The following VWC2 variants were observed in gnomAD, a reference collection of about 807,000 sequenced individuals.
The protein encoded by VWC2 is brorin.
A neutral mutation model predicts 29.8 loss-of-function variants in VWC2; 14 were observed. The ratio of observed to expected loss-of-function variants is 0.47; its 90% CI spans 0.31 to 0.74. The LOEUF (loss-of-function observed/expected upper bound fraction) is 0.74, where lower values mean the gene tolerates loss of function less well. Among genes scored for constraint, VWC2 ranks in the 30% least tolerant of loss-of-function variants. VWC2 has a pLI of 0.05. For synonymous variants in VWC2, 213 were observed against 199.0 expected, an observed-to-expected ratio of 1.07 and a Z score of -0.59; for missense variants, 457 against 459.8, an observed-to-expected ratio of 0.99 and a Z score of 0.05.
chr7:49,882,864 TTTGTTGTTGTTG>T (rs201572339), intron 3 of VWC2, among the ~76,000 whole-genome samples: 1 of 151,898 alleles, frequency 6.6e-6, no homozygotes, highest in Non-Finnish European at 1.5e-5. Context: ...TTTTTTTGTT[TTTGTTGTTGTTG>T]TTGTTGTTGT....
At chr7:49,774,657 G>C (rs1042945155) in intron 1 of VWC2, among the ~76,000 whole-genome samples, 2 of 152,144 alleles carry the variant, frequency 1.3e-5, no homozygotes, top group Admixed American at 1.3e-4. Context: ...GGGGCGGGCC[G>C]GCAGAGGAGC....
chr7:49,795,018 C>T (rs2078281097), intron 2 of VWC2, among the ~76,000 whole-genome samples: 1 of 152,190 alleles, frequency 6.6e-6, no homozygotes, highest in Admixed American at 6.5e-5. Flanking sequence ...TCTCATCTCC[C>T]TAACCAGACT....
At chr7:49,895,483 T>A (rs1331639387) in intron 3 of VWC2, among the ~76,000 whole-genome samples, 1 of 152,218 alleles carries the variant, frequency 6.6e-6, no homozygotes, top group Non-Finnish European at 1.5e-5. Flanking sequence ...ATGTGAACCC[T>A]CTGCTCTGAC....
intron 3 of VWC2, among the ~76,000 whole-genome samples, chr7:49,894,498 G>T (rs1792284713): frequency 6.6e-6 from 1 of 152,220 alleles, no homozygotes; most frequent in Non-Finnish European, 1.5e-5. Flanking sequence ...AAACATAGTG[G>T]CAATTTATCC....
chr7:49,784,777 A>G (rs1788256644), intron 2 of VWC2, among the ~76,000 whole-genome samples: 1 of 152,168 alleles, frequency 6.6e-6, no homozygotes, highest in African/African-American at 2.4e-5. Context: ...TTTTAAATGG[A>G]TCAACAGGTA....
intron 3 of VWC2, among the ~76,000 whole-genome samples, chr7:49,862,019 T>G (rs962239272): frequency 6.6e-6 from 1 of 152,194 alleles, no homozygotes; most frequent in African/African-American, 2.4e-5. Flanking sequence ...TAAAAAATGG[T>G]TGTTGGAATT....
intron 3 of VWC2, among the ~76,000 whole-genome samples, chr7:49,817,459 T>C (rs1318827615): frequency 6.6e-6 from 1 of 152,202 alleles, no homozygotes; most frequent in African/African-American, 2.4e-5. Flanking sequence ...AATAACCCTG[T>C]AGATGACTTG....
At chr7:49,902,927 C>T (rs147169072) in intron 3 of VWC2, among the ~76,000 whole-genome samples, 1 of 151,916 alleles carries the variant, frequency 6.6e-6, no homozygotes, top group African/African-American at 2.4e-5. Flanking sequence ...ACAATAAAAA[C>T]ACCAAACAAT....
chr7:49,797,873 T>C (rs1788632879), intron 2 of VWC2, among the ~76,000 whole-genome samples: 1 of 152,220 alleles, frequency 6.6e-6, no homozygotes. Flanking sequence ...ATCTAAATTC[T>C]ATCCATGCAA....
chr7:49,784,185 A>G (rs1235713393), intron 2 of VWC2, among the ~76,000 whole-genome samples: 3 of 152,256 alleles, frequency 2.0e-5, no homozygotes, highest in African/African-American at 7.2e-5. Flanking sequence ...TGGTGAAGGA[A>G]GAGCTTCTAG....
chr7:49,838,461 G>A (rs569617388), intron 3 of VWC2, among the ~76,000 whole-genome samples: 1 of 152,152 alleles, frequency 6.6e-6, no homozygotes, highest in South Asian at 2.1e-4. Context: ...GCAGACTCCG[G>A]TCTTTTGGGA....
At chr7:49,904,340 G>GA (rs1237556533) in intron 3 of VWC2, among the ~76,000 whole-genome samples, 2 of 152,180 alleles carry the variant, frequency 1.3e-5, no homozygotes, top group African/African-American at 2.4e-5. Flanking sequence ...GTAACTTTGG[G>GA]AAAAAAACTG....
intron 3 of VWC2, among the ~76,000 whole-genome samples, chr7:49,874,091 C>T (rs951342726): frequency 1.4e-4 from 22 of 151,852 alleles, no homozygotes; most frequent in African/African-American, 5.1e-4. Flanking sequence ...GGAGTAAGGA[C>T]GGGACTGGAG....
At chr7:49,807,376 A>G (rs1037122660) in intron 3 of VWC2, among the ~76,000 whole-genome samples, 6 of 152,214 alleles carry the variant, frequency 3.9e-5, no homozygotes, top group Admixed American at 6.5e-5. Context: ...AAAATGTACA[A>G]ATATTTAGAC....
intron 3 of VWC2, among the ~76,000 whole-genome samples, chr7:49,835,433 G>A (rs1396598024): frequency 6.6e-6 from 1 of 152,154 alleles, no homozygotes; most frequent in East Asian, 1.9e-4. Flanking sequence ...GGGATGACCA[G>A]GGTCAGTAAT....
intron 3 of VWC2, among the ~76,000 whole-genome samples, chr7:49,862,311 T>G (rs111932553): frequency 0.028 from 4,192 of 152,250 alleles, 159 homozygotes; most frequent in South Asian, 0.12. Flanking sequence ...TTTTTTTGTG[T>G]GTCAATCTTG....
intron 3 of VWC2, among the ~76,000 whole-genome samples, chr7:49,846,906 A>G (rs1789964770): frequency 6.6e-6 from 1 of 152,174 alleles, no homozygotes; most frequent in African/African-American, 2.4e-5. Flanking sequence ...TATGATACAA[A>G]TATCTGATTG....
intron 3 of VWC2, among the ~76,000 whole-genome samples, chr7:49,899,754 G>A (rs1792608932): frequency 6.6e-6 from 1 of 151,896 alleles, no homozygotes; most frequent in Non-Finnish European, 1.5e-5. Flanking sequence ...TACCAGAAAT[G>A]TATAGATTCG....
At chr7:49,902,123 T>C (rs1419221373) in intron 3 of VWC2, among the ~76,000 whole-genome samples, 1 of 151,784 alleles carries the variant, frequency 6.6e-6, no homozygotes, top group Non-Finnish European at 1.5e-5. Flanking sequence ...TAGCTTTGGG[T>C]TTGGTGATGA....
Sources: gnomAD v4.1 joint callset for allele counts (sites outside exome capture counted in the v4.1 genomes callset) on GRCh38, gnomAD v4.1.1 for gene constraint, MANE v1.5 for transcripts, NCBI Gene and HGNC (gene_info 2026-07-23, HGNC 2026-07-21) for gene names.